Variants in ARHGAP27 observed in about 807,000 individuals in gnomAD.
The protein encoded by ARHGAP27 is Rho GTPase activating protein 27, also known as rho GTPase-activating protein 27.
ARHGAP27 carries 53 observed loss-of-function variants against 102.0 expected under a neutral mutation model. The observed-to-expected ratio is 0.52, with a 90% CI of 0.42 to 0.65. ARHGAP27 has a LOEUF of 0.65. ARHGAP27 is among the 30% of genes least tolerant of loss of function. ARHGAP27 has a pLI of 0.00. For synonymous variants in ARHGAP27, 525 were observed against 542.8 expected, an observed-to-expected ratio of 0.97 and a Z score of 0.46; for missense variants, 1,117 against 1,256.2, an observed-to-expected ratio of 0.89 and a Z score of 1.68.
rs1597757395 is a variant in ARHGAP27, at chr17:45,396,779, G to A, written c.1963C>T (p.Leu655=). The change falls in exon 15 of 20, where the codon CTG becomes TTG. Residue 655 remains leucine, a synonymous_variant. Coordinates refer to ENST00000685559, the MANE Select transcript of ARHGAP27 (RefSeq NM_001282290.2). Reference sequence around the variant, plus strand: ...TCGCTCTCCAGGCCCACGGGGCCCAGGGCGGGCGCGGCTGCCGCGGGGAAA... The same window carrying A: ...TCGCTCTCCAGGCCCACGGGGCCCAAGGCGGGCGCGGCTGCCGCGGGGAAA... ...DARPNAAAPA[L]GPVGLESDLS... 6.2e-7 allele frequency: 1 copy of A among 1,611,608 alleles called. No individual in the cohort carries two copies. The highest frequency in any genetic ancestry group is 1.7e-5 in the Admixed American group (1 of 59,782).
chr17:45,405,626 G>A, intron 5 of ARHGAP27, 50 bp downstream of exon 5: 1 of 1,530,186 alleles, frequency 6.5e-7, no homozygotes, highest in Non-Finnish European at 8.7e-7. Flanking sequence ...CAGGAGGCGG[G>A]ATCAGAGGCG....
At chr17:45,405,594 T>C in intron 5 of ARHGAP27, 82 bp downstream of exon 5, 1 of 1,230,004 alleles carries the variant, frequency 8.1e-7, no homozygotes, top group Non-Finnish European at 1.1e-6. Flanking sequence ...CCCTCACCCG[T>C]GTGTCCCTGG....
In ARHGAP27 at chr17:45,396,102, A is replaced by G; in HGVS notation, c.2267T>C (p.Leu756Pro). 2.5e-6 allele frequency: 4 copies of G among 1,612,504 alleles called. No homozygotes were observed. The highest frequency in any genetic ancestry group is 3.4e-6 in the Non-Finnish European group (4 of 1,179,070). Residue 756 changes from leucine to proline, a missense_variant, in exon 18 of 20, where the codon CTG (leucine) becomes CCG (proline). Leu to Pro is a moderately conservative substitution (Grantham distance 98, BLOSUM62 -3). This residue lies in a region of ARHGAP27 where 493 missense variants were observed against 505.5 expected (regional missense o/e 0.98). Transcript: ENST00000685559. ...GACGTCCTCCCAGCGCCCGTCATCC[A>G]GGTCAAGGCGCTCATCTGTGGCGGA... Reference protein sequence around the residue: ...YKVDHDERLDLDDGRWEDVHV... With the variant: ...YKVDHDERLDPDDGRWEDVHV...
At chr17:45,403,827 G>T (rs1418720610) in intron 10 of ARHGAP27, 118 bp from the exon 11 acceptor site, 7 of 1,027,790 alleles carry the variant, frequency 6.8e-6, no homozygotes, top group Non-Finnish European at 1.0e-5. Context: ...ACCCCATTAT[G>T]AGGGCTGGAA....
chr17:45,430,033 G>T lies in ARHGAP27; in HGVS notation c.247C>A (p.Pro83Thr), dbSNP rs1179826713. Residue 83 changes from proline to threonine, a missense_variant, in exon 4 of 20, where the codon CCG becomes ACG. By Grantham distance (38) the Pro-to-Thr change is conservative. Around this residue, in one of 3 missense-constraint regions of ARHGAP27, gnomAD observed 610 missense variants for 716.4 expected, o/e 0.85. Transcript: ENST00000685559. The surrounding 1 kb of genome is among the most constrained non-coding windows in gnomAD (Gnocchi z 4.4). ...PAAAAPPGPH[P>T]SPAAPEPLAY... ...AGCGGCTCAGGGGCCGCGGGGCTCG[G>T]GTGGGGACCTGGCGGCGCGGCGGCG... is the stretch of plus-strand genomic sequence containing the variant. The T allele has an allele frequency of 8.0e-7, 1 of 1,247,138 alleles. No individual in the cohort carries two copies. Among genetic ancestry groups the T allele is most frequent in the Non-Finnish European group, 1.0e-6 (1 of 996,728 alleles). 77.3% of individuals were successfully genotyped at this position (1,247,138 alleles called of 1,614,324 possible). A position where few individuals can be genotyped will look rare whatever the true frequency, so the allele number is the denominator to read the frequency against.
intron 4 of ARHGAP27, among the ~76,000 whole-genome samples, chr17:45,413,384 A>G (rs557574754): frequency 2.1e-3 from 318 of 152,160 alleles, no homozygotes; most frequent in Non-Finnish European, 3.2e-3. Context: ...ATTCAGAGGG[A>G]AAAAGAGTGG....
At chr17:45,403,971 A>G in intron 10 of ARHGAP27, 58 bp downstream of exon 10, 8 of 1,572,502 alleles carry the variant, frequency 5.1e-6, no homozygotes, top group Non-Finnish European at 7.0e-6. Flanking sequence ...GGAAGTGCTC[A>G]GTGAACATCG....
At chr17:45,416,929 C>G (rs949199760) in intron 4 of ARHGAP27, among the ~76,000 whole-genome samples, 3 of 150,064 alleles carry the variant, frequency 2.0e-5, no homozygotes, top group Non-Finnish European at 4.4e-5. Context: ...CTGGGGCAGG[C>G]GGATCACCTG....
chr17:45,410,307 C>A, intron 4 of ARHGAP27: 3 of 1,516,234 alleles, frequency 2.0e-6, no homozygotes, highest in Non-Finnish European at 2.6e-6. Context: ...CTCTGAACTG[C>A]CGGGACAGAG....
intron 4 of ARHGAP27, among the ~76,000 whole-genome samples, chr17:45,429,038 G>A (rs1208415930): frequency 1.3e-5 from 2 of 152,230 alleles, no homozygotes; most frequent in African/African-American, 4.8e-5. Flanking sequence ...CTGAAATGCT[G>A]GAAGCACCCT....
In ARHGAP27 at chr17:45,398,024, C is replaced by T. The variant is rs149430480; in HGVS notation, c.1767G>A (p.Glu589=). ...VLELRSRDGS[E]YLIQHDSEAI... is the part of the protein sequence containing the mutation. The stretch of plus-strand genomic sequence containing the variant: ...CCTCCGAGTCGTGCTGGATCAGGTA[C>T]TCAGAGCCATCTCGGCTCCGTAGCT... Residue 589 remains glutamate (E), a synonymous_variant, in exon 13 of 20, where the codon GAG becomes GAA. Transcript: ENST00000685559. The T allele has an allele frequency of 3.7e-5, 59 of 1,606,284 alleles. No individual in the cohort carries two copies. In the African/African-American group the frequency reaches 6.0e-4, roughly 16 times the overall value.
Position 45,405,528 on chromosome 17 carries a change from G to A in ARHGAP27, c.1065+148C>T, listed in dbSNP as rs2047048745. 1.3e-5 allele frequency: 15 copies of A among 1,171,538 alleles called. No homozygotes were observed. The East Asian group carries it at 3.9e-4, about 30-fold the overall frequency. 72.6% of individuals were successfully genotyped at this position (1,171,538 alleles called of 1,614,324 possible). On this transcript the variant is annotated intron_variant, in intron 5 of 19. Coordinates refer to ENST00000685559, the MANE Select transcript of ARHGAP27 (RefSeq NM_001282290.2). Reference sequence around the variant, plus strand: ...CACCCTGGGGTCCCTGGGTCTGTGGGAGCAGGAGAAGGGGTCAAAGGCTCT... The same window carrying A: ...CACCCTGGGGTCCCTGGGTCTGTGGAAGCAGGAGAAGGGGTCAAAGGCTCT...
rs1185528833 is a variant in ARHGAP27, at chr17:45,427,679, C to T, written c.657+1944G>A. Among the ~76,000 whole-genome samples, 1 of 152,196 alleles carries T rather than the reference C, an allele frequency of 6.6e-6. No homozygotes were observed. Among genetic ancestry groups the T allele is most frequent in the Non-Finnish European group, 1.5e-5 (1 of 68,026 alleles). ...TGGCAGGGAACGTGGTATTATTGCA[C>T]ACATCGCACAGGGGAGGAAACAGGA... On this transcript the variant is annotated intron_variant, in intron 4 of 19. Coordinates refer to ENST00000685559, the MANE Select transcript of ARHGAP27 (RefSeq NM_001282290.2). The surrounding 1 kb of genome is among the most constrained non-coding windows in gnomAD (Gnocchi z 4.5).
chr17:45,400,461 G>C (rs1404224726), intron 12 of ARHGAP27, among the ~76,000 whole-genome samples: 1 of 152,140 alleles, frequency 6.6e-6, no homozygotes, highest in African/African-American at 2.4e-5. Context: ...CTTCCCACTG[G>C]CCTGAGCAGC....
Position 45,395,449 on chromosome 17 carries a change from C to T in ARHGAP27, c.*7G>A. On this transcript the variant is annotated 3_prime_UTR_variant, in exon 20 of 20. Transcript: ENST00000685559. The stretch of plus-strand genomic sequence containing the variant: ...CCGCGGCCGCCGCCCCAGTCACAGG[C>T]CAGCAGTCAGTGCGGCGGGAAGATG... The T allele has an allele frequency of 6.4e-7, 1 of 1,559,360 alleles. No homozygotes were observed. The highest frequency in any genetic ancestry group is 8.7e-7 in the Non-Finnish European group (1 of 1,151,642).
Position 45,404,100 on chromosome 17 carries a change from A to G in ARHGAP27, c.1480-4T>C, listed in dbSNP as rs1382163700. On this transcript the variant is annotated splice_region_variant and splice_polypyrimidine_tract_variant and intron_variant, in intron 9 of 19. Transcript: ENST00000685559. ...CTGCCTTGTCCAAGGTCTTGGTCTA[A>G]GAGAGAGAAGAGAGAGCAGGCGCAA... is the stretch of plus-strand genomic sequence containing the variant. 6.2e-7 allele frequency: 1 copy of G among 1,614,078 alleles called. No individual in the cohort carries two copies. The highest frequency in any genetic ancestry group is 1.7e-5 in the Admixed American group (1 of 60,002).
At chr17:45,396,155 AG>A in intron 17 of ARHGAP27, 38 bp from the exon 18 acceptor site, 1 of 1,598,706 alleles carries the variant, frequency 6.3e-7, no homozygotes, top group Non-Finnish European at 8.5e-7. Context: ...AAGGGAAATC[AG>A]TACCCCTTGC....
intron 4 of ARHGAP27, among the ~76,000 whole-genome samples, chr17:45,423,038 C>T (rs964980980): frequency 4.0e-5 from 6 of 151,690 alleles, no homozygotes; most frequent in African/African-American, 7.3e-5. Flanking sequence ...AAAATTAGCC[C>T]GGTGTGGTGG....
intron 6 of ARHGAP27, 89 bp downstream of exon 6, chr17:45,404,835 C>T (rs2046933350): frequency 9.5e-6 from 15 of 1,579,056 alleles, no homozygotes; most frequent in Non-Finnish European, 1.2e-5. Context: ...GTGGGAGCTG[C>T]GGTTTAGAGC....
Sources: allele counts gnomAD v4.1 joint callset (sites outside exome capture counted in the v4.1 genomes callset), GRCh38; gene constraint gnomAD v4.1.1; regional missense constraint gnomAD v4.1.1; non-coding constraint Gnocchi (gnomAD v3.1); transcripts MANE v1.5; gene names NCBI Gene and HGNC (gene_info 2026-07-23, HGNC 2026-07-21).